Variants in ULK4 observed in about 807,000 individuals in gnomAD.
ULK4 encodes unc-51 like kinase 4, also known as inactive serine/threonine-protein kinase ULK4.
A neutral mutation model predicts 160.6 loss-of-function variants in ULK4; 133 were observed. The observed-to-expected ratio is 0.83, with a 90% CI of 0.72 to 0.96. The LOEUF (loss-of-function observed/expected upper bound fraction) is 0.96, where lower values mean the gene tolerates loss of function less well. Ranked by LOEUF, ULK4 falls within the 40% of genes least tolerant of loss-of-function variation. ULK4 has a pLI of 0.00. For missense variants in ULK4, 1,580 were observed against 1,499.5 expected (o/e 1.05, Z -0.89); for synonymous variants, 534 against 539.8 (o/e 0.99, Z 0.15).
intron 17 of ULK4, among the ~76,000 whole-genome samples, chr3:41,865,184 A>C (rs572457452): frequency 1.6e-4 from 24 of 150,610 alleles, no homozygotes; most frequent in Middle Eastern, 6.9e-3. Context: ...GAGGCAGGAA[A>C]ATCACTTGAA....
Position 41,681,660 on chromosome 3 carries a change from G to GA in ULK4, c.2834-9dup, listed in dbSNP as rs201008855. ...TAAAGAGTCTCCACTCCACTTGAAAGAAAAAAAAAATGCCAAGAATGTGAC... is the reference window on the plus strand; with the variant it reads ...TAAAGAGTCTCCACTCCACTTGAAAGAAAAAAAAAAATGCCAAGAATGTGAC... On this transcript the variant is annotated splice_polypyrimidine_tract_variant and intron_variant, in intron 28 of 36. Transcript: ENST00000301831. 644 of 1,499,548 alleles carry GA rather than the reference G, an allele frequency of 4.3e-4. No homozygotes were observed. The highest frequency in any genetic ancestry group is 1.4e-3 in the Admixed American group (75 of 52,064). The allele number at this position is 1,499,548 out of a possible 1,614,324, so 92.9% of individuals were successfully genotyped here. A position where few individuals can be genotyped will look rare whatever the true frequency, so the allele number is the denominator to read the frequency against.
At chr3:41,955,656 C>G (rs1700458000) in intron 1 of ULK4, 1 of 155,306 alleles carries the variant, frequency 6.4e-6, no homozygotes, top group Admixed American at 6.5e-5. Flanking sequence ...AAACGGCCCT[C>G]AGGTTCATCA....
chr3:41,814,214 G>A (rs1302004758), intron 19 of ULK4, among the ~76,000 whole-genome samples: 1 of 152,118 alleles, frequency 6.6e-6, no homozygotes, highest in Non-Finnish European at 1.5e-5. Flanking sequence ...TATATTGGTT[G>A]GATTTCTGTG....
chr3:41,268,184 A>G (rs1383233987), intron 35 of ULK4, among the ~76,000 whole-genome samples: 1 of 152,198 alleles, frequency 6.6e-6, no homozygotes, highest in Non-Finnish European at 1.5e-5. Context: ...TCTGACTCAC[A>G]ATGTCAATAG....
intron 35 of ULK4, among the ~76,000 whole-genome samples, chr3:41,298,837 C>T (rs2079724847): frequency 6.6e-6 from 1 of 152,166 alleles, no homozygotes; most frequent in Non-Finnish European, 1.5e-5. Flanking sequence ...AATCTCAGCC[C>T]TGGGGTAAAG....
At chr3:41,823,196 A>C (rs2041208186) in intron 18 of ULK4, among the ~76,000 whole-genome samples, 1 of 152,210 alleles carries the variant, frequency 6.6e-6, no homozygotes, top group African/African-American at 2.4e-5. Context: ...CACACAGAAA[A>C]TACAAACAAC....
intron 17 of ULK4, among the ~76,000 whole-genome samples, chr3:41,870,864 C>T (rs1279598762): frequency 6.6e-6 from 1 of 152,164 alleles, no homozygotes; most frequent in Non-Finnish European, 1.5e-5. Context: ...ACCCAAATCT[C>T]ACCCTGAATC....
At chr3:41,477,705 G>T (rs1311935161) in intron 32 of ULK4, among the ~76,000 whole-genome samples, 4 of 152,170 alleles carry the variant, frequency 2.6e-5, no homozygotes, top group African/African-American at 9.7e-5. Flanking sequence ...GCCTGTCTTG[G>T]ACATACTGAC....
chr3:41,318,860 A>T (rs989761251), intron 35 of ULK4, among the ~76,000 whole-genome samples: 12 of 152,202 alleles, frequency 7.9e-5, no homozygotes, highest in Admixed American at 5.9e-4. Context: ...TTAATCAGTG[A>T]TGCCCCTTTA....
intron 32 of ULK4, among the ~76,000 whole-genome samples, chr3:41,562,684 C>T (rs1175736109): frequency 6.6e-6 from 1 of 152,060 alleles, no homozygotes; most frequent in East Asian, 1.9e-4. Context: ...ATTGTAACCC[C>T]TGCTTTTTTT....
chr3:41,353,995 T>C (rs555620115), intron 35 of ULK4, among the ~76,000 whole-genome samples: 10 of 152,224 alleles, frequency 6.6e-5, no homozygotes, highest in Admixed American at 4.6e-4. Flanking sequence ...CTCTTTCCAT[T>C]GTGGGGCTCC....
intron 35 of ULK4, among the ~76,000 whole-genome samples, chr3:41,274,486 A>C (rs1350995428): frequency 6.6e-6 from 1 of 152,188 alleles, no homozygotes; most frequent in Non-Finnish European, 1.5e-5. Context: ...CAGTTCAGTC[A>C]CAGTGGTAAT....
chr3:41,744,517 T>C (rs6599175), intron 22 of ULK4, among the ~76,000 whole-genome samples: 47,886 of 151,652 alleles, frequency 0.32, 11,324 homozygotes, highest in African/African-American at 0.66. Flanking sequence ...TAAGTAAGTA[T>C]GCAGCAAACA....
At chr3:41,556,487 C>CTT (rs34888775) in intron 32 of ULK4, among the ~76,000 whole-genome samples, 1,588 of 117,028 alleles carry the variant, frequency 0.014, 75 homozygotes, top group South Asian at 0.017. Context: ...CTCTACCAAA[C>CTT]TTTTTTTTTT....
At chr3:41,379,414 GA>G (rs2081597119) in intron 35 of ULK4, among the ~76,000 whole-genome samples, 1 of 152,234 alleles carries the variant, frequency 6.6e-6, no homozygotes, top group African/African-American at 2.4e-5. Flanking sequence ...ACTGAAAAAG[GA>G]AATCAAGATG....
At chr3:41,777,391 T>TG (rs1320380904) in intron 21 of ULK4, among the ~76,000 whole-genome samples, 1 of 19,468 alleles carries the variant, frequency 5.1e-5, no homozygotes, top group East Asian at 1.3e-3. Flanking sequence ...ATTCATTGAT[T>TG]TTTTGAAGGG....
At chr3:41,345,992 T>C (rs1315650042) in intron 35 of ULK4, among the ~76,000 whole-genome samples, 2 of 151,202 alleles carry the variant, frequency 1.3e-5, no homozygotes, top group Non-Finnish European at 1.5e-5. Context: ...AGCCCAAAGG[T>C]ACAGCCAAGC....
intron 34 of ULK4, among the ~76,000 whole-genome samples, chr3:41,454,178 A>T (rs2083486215): frequency 8.1e-6 from 1 of 123,194 alleles, no homozygotes; most frequent in Non-Finnish European, 1.6e-5. Flanking sequence ...AAGTATAATT[A>T]AAAAAAAAAA....
intron 32 of ULK4, among the ~76,000 whole-genome samples, chr3:41,547,816 G>C (rs1223125691): frequency 6.6e-6 from 1 of 152,200 alleles, no homozygotes; most frequent in Non-Finnish European, 1.5e-5. Context: ...AATGTGGCCA[G>C]TTTCCAGCAA....
Sources: allele counts gnomAD v4.1 joint callset (sites outside exome capture counted in the v4.1 genomes callset), GRCh38; gene constraint gnomAD v4.1.1; transcripts MANE v1.5; gene names NCBI Gene and HGNC (gene_info 2026-07-23, HGNC 2026-07-21).